FRMD4B: variants seen among roughly 807,000 people sequenced by gnomAD.
FRMD4B encodes the protein FERM domain containing 4B, also known as FERM domain-containing protein 4B.
FRMD4B carries 74 observed loss-of-function variants against 141.5 expected under a neutral mutation model. The observed-to-expected ratio is 0.52, with a 90% confidence interval of 0.43 to 0.63. The LOEUF (loss-of-function observed/expected upper bound fraction) is 0.63. Among genes scored for constraint, FRMD4B ranks in the 30% least tolerant of loss-of-function variants. The pLI is 0.00. For missense variants in FRMD4B, 1,366 were observed against 1,253.4 expected (o/e 1.09, Z -1.36); for synonymous variants, 506 against 467.9 (o/e 1.08, Z -1.05).
chr3:69,187,598 C>A (rs2092783992), intron 19 of FRMD4B, among the ~76,000 whole-genome samples, 172 bp downstream of exon 19: 1 of 147,428 alleles, frequency 6.8e-6, no homozygotes, highest in Non-Finnish European at 1.5e-5. Flanking sequence ...TATGTATATT[C>A]ATTTGCTGTG....
At chr3:69,454,438 G>A (rs6772612) in intron 1 of FRMD4B, among the ~76,000 whole-genome samples, 52,380 of 152,086 alleles carry the variant, frequency 0.34, 9,579 homozygotes, top group African/African-American at 0.46. Flanking sequence ...AGGTGTGGAG[G>A]AAGAGGTGCA....
intron 1 of FRMD4B, among the ~76,000 whole-genome samples, chr3:69,490,813 C>T (rs1022988949): frequency 3.3e-5 from 5 of 152,068 alleles, no homozygotes; most frequent in African/African-American, 9.7e-5. Flanking sequence ...AGACGTTGGC[C>T]GATGCCTTTA....
chr3:69,313,381 G>C, intron 2 of FRMD4B, 71 bp downstream of exon 2: 1 of 927,410 alleles, frequency 1.1e-6, no homozygotes, highest in Non-Finnish European at 1.7e-6. Flanking sequence ...ACCAGGATGA[G>C]CTGTCCCCGT....
rs71115668 is a variant in FRMD4B, at chr3:69,245,664, C to CT, written c.581+3561dup. Among the ~76,000 whole-genome samples the CT allele has an allele frequency of 1.6e-3, 168 of 102,466 alleles. 2 individuals are homozygous for CT. The East Asian group carries it at 0.028, about 17-fold the overall frequency. The allele number at this position is 102,466 out of a possible 152,430, so 67.2% of individuals were successfully genotyped here. A position where few individuals can be genotyped will look rare whatever the true frequency, so the allele number is the denominator to read the frequency against. Reference sequence around the variant, plus strand: ...ACCTGGCCTTGGCTGATTTTCTTTTCTTTTTTTTTTTTTTTTTGTGACAGA... The same window carrying CT: ...ACCTGGCCTTGGCTGATTTTCTTTTCTTTTTTTTTTTTTTTTTTGTGACAGA... On this transcript the variant is annotated intron_variant, in intron 7 of 22. Coordinates refer to ENST00000398540, the MANE Select transcript of FRMD4B (RefSeq NM_015123.3).
At chr3:69,192,689 T>C (rs1280471200) in intron 17 of FRMD4B, among the ~76,000 whole-genome samples, 1 of 152,256 alleles carries the variant, frequency 6.6e-6, no homozygotes, top group Non-Finnish European at 1.5e-5. Flanking sequence ...GAAATATTTC[T>C]CAGCCAGTCT....
At position 69,394,198 on chromosome 3, in the gene FRMD4B, G is replaced by C. The variant is rs370827016; in HGVS notation, c.-1+38436C>G. On this transcript the variant is annotated intron_variant, in intron 2 of 5. Coordinates refer to the FRMD4B transcript ENST00000459638. ...TAACAGCCCTCTTCCTGGTTTGGAGGTGGCTGTTTTCTCCCAAGACAGAGA... is the reference window on the plus strand; with the variant it reads ...TAACAGCCCTCTTCCTGGTTTGGAGCTGGCTGTTTTCTCCCAAGACAGAGA... Among the ~76,000 whole-genome samples, 5 of 152,306 alleles carry C rather than the reference G, an allele frequency of 3.3e-5. No individual in the cohort carries two copies. In the East Asian group the frequency reaches 9.7e-4, roughly 29 times the overall value.
intron 7 of FRMD4B, among the ~76,000 whole-genome samples, chr3:69,229,026 T>TG (rs1371407845): frequency 4.0e-5 from 6 of 149,634 alleles, no homozygotes; most frequent in Admixed American, 2.0e-4. Flanking sequence ...TTTTTTTTTT[T>TG]TTTTTTGTTT....
At chr3:69,228,627 G>T (rs1357624274) in intron 7 of FRMD4B, 1 of 377,508 alleles carries the variant, frequency 2.6e-6, no homozygotes. Context: ...TTGAGCCCAG[G>T]AGTTGGAGAC....
chr3:69,372,152 G>T (rs1349023059), intron 1 of FRMD4B, among the ~76,000 whole-genome samples: 1 of 152,080 alleles, frequency 6.6e-6, no homozygotes, highest in African/African-American at 2.4e-5. Context: ...TGTTCTCCTT[G>T]GTCTGCACGT....
chr3:69,482,469 A>G lies in FRMD4B; in HGVS notation c.-128-49708T>C, dbSNP rs143264063. On this transcript the variant is annotated intron_variant, in intron 1 of 5. Transcript: ENST00000459638. Reference sequence around the variant, plus strand: ...TGTCTAACAAGAAGTGAGAAAGAGGAGAAAAAGGGAAAGGAGGAAGAAAAG... The same window carrying G: ...TGTCTAACAAGAAGTGAGAAAGAGGGGAAAAAGGGAAAGGAGGAAGAAAAG... Among the ~76,000 whole-genome samples, 254 of 152,256 alleles carry G rather than the reference A, an allele frequency of 1.7e-3. 1 individual carries two copies. The highest frequency in any genetic ancestry group is 5.8e-3 in the African/African-American group (239 of 41,542).
intron 1 of FRMD4B, among the ~76,000 whole-genome samples, chr3:69,484,430 TTGCTCGAG>T (rs1320049375): frequency 1.3e-5 from 2 of 152,162 alleles, no homozygotes; most frequent in East Asian, 3.9e-4. Flanking sequence ...TCTGTGGCCT[TTGCTCGAG>T]TTCTTGTCCT....
chr3:69,206,744 A>C (rs76987984), intron 11 of FRMD4B, among the ~76,000 whole-genome samples: 5,057 of 152,236 alleles, frequency 0.033, 209 homozygotes, highest in African/African-American at 0.081. Flanking sequence ...CTTTCTTTCC[A>C]GATATATTGG....
intron 1 of FRMD4B, among the ~76,000 whole-genome samples, chr3:69,361,601 T>C (rs1216677793): frequency 1.3e-5 from 2 of 152,232 alleles, no homozygotes; most frequent in Non-Finnish European, 2.9e-5. Flanking sequence ...TTATGGAGTA[T>C]GTATTTTTTA....
At chr3:69,250,186 C>T (rs2093453544) in intron 5 of FRMD4B, 87 bp from the exon 6 acceptor site, 2 of 882,674 alleles carry the variant, frequency 2.3e-6, no homozygotes, top group Admixed American at 1.7e-5. Context: ...GCTGTCACAG[C>T]TTGGCACCTC....
At chr3:69,306,505 C>T (rs1701396546) in intron 3 of FRMD4B, 2 of 152,198 alleles carry the variant, frequency 1.3e-5, no homozygotes, top group Admixed American at 1.3e-4. Flanking sequence ...GATGGAACCA[C>T]TACGGTGACC....
chr3:69,171,586 G>C lies in FRMD4B; in HGVS notation c.*275C>G. On this transcript the variant is annotated 3_prime_UTR_variant, in exon 23 of 23. Transcript: ENST00000398540. ...TAAAAAGTGCTTGCTATTGATGAAG[G>C]CTTCACACTGAGTCCTCTCTTGGCA... 3.2e-6 allele frequency: 1 copy of C among 312,240 alleles called. No individual in the cohort carries two copies. The highest frequency in any genetic ancestry group is 5.1e-5 in the South Asian group (1 of 19,614). The allele number at this position is 312,240 out of a possible 1,614,324, so 19.3% of individuals were successfully genotyped here.
At chr3:69,461,623 CAAAAA>C (rs58143332) in intron 1 of FRMD4B, among the ~76,000 whole-genome samples, 1 of 43,466 alleles carries the variant, frequency 2.3e-5, no homozygotes, top group Non-Finnish European at 4.0e-5. Context: ...GACTCTGTCT[CAAAAA>C]AAAAAAAAAA....
intron 19 of FRMD4B, among the ~76,000 whole-genome samples, chr3:69,183,139 G>T (rs1368449625): frequency 6.6e-6 from 1 of 152,140 alleles, no homozygotes; most frequent in African/African-American, 2.4e-5. Flanking sequence ...TGGGCCAGAT[G>T]GTCTCTAGAG....
chr3:69,484,812 T>C (rs1262889076), intron 1 of FRMD4B, among the ~76,000 whole-genome samples: 1 of 152,104 alleles, frequency 6.6e-6, no homozygotes, highest in East Asian at 1.9e-4. Flanking sequence ...TGGCTGAACC[T>C]GAGGCTTTTA....
Sources: allele counts gnomAD v4.1 joint callset (sites outside exome capture counted in the v4.1 genomes callset), GRCh38; gene constraint gnomAD v4.1.1; transcripts MANE v1.5; gene names NCBI Gene and HGNC (gene_info 2026-07-23, HGNC 2026-07-21).